The following HPF1 variants were observed in gnomAD, a reference collection of about 807,000 sequenced individuals.
HPF1 encodes histone PARylation factor 1, also known as UPF0609 protein C4orf27.
HPF1 carries 35 observed loss-of-function variants against 38.8 expected under a neutral mutation model. The ratio of observed to expected loss-of-function variants is 0.90; its 90% CI spans 0.69 to 1.19. The LOEUF (loss-of-function observed/expected upper bound fraction) is 1.19, where lower values mean the gene tolerates loss of function less well. Among genes scored for constraint, HPF1 ranks in the 50% most tolerant of loss-of-function variants. The probability of loss-of-function intolerance (pLI) is 0.00; values close to 1 mark genes in which losing one functional copy is unlikely to be tolerated. For synonymous variants in HPF1, 115 were observed against 139.2 expected (o/e 0.83, Z 1.22); for missense variants, 367 against 405.8 (o/e 0.90, Z 0.82).
chr4:169,752,173 T>C lies in HPF1; in HGVS notation c.209-1448A>G, dbSNP rs868512750. Among the ~76,000 whole-genome samples, 295 of 144,558 alleles carry C rather than the reference T, an allele frequency of 2.0e-3. 2 individuals are homozygous for C. The Middle Eastern group carries it at 0.028, about 14-fold the overall frequency. The allele number at this position is 144,558 out of a possible 152,430, so 94.8% of individuals were successfully genotyped here. On this transcript the variant is annotated intron_variant, in intron 2 of 7. Transcript: ENST00000393381. Reference sequence around the variant, plus strand: ...ATGTTTGTATACAGGCATGACTTTTTTTTTTTTTTTTTTTTGAGATGGAGT... The same window carrying C: ...ATGTTTGTATACAGGCATGACTTTTCTTTTTTTTTTTTTTTGAGATGGAGT...
intron 5 of HPF1, 39 bp from the exon 6 acceptor site, chr4:169,737,786 CA>C (rs1490321333): frequency 7.6e-7 from 1 of 1,316,210 alleles, no homozygotes; most frequent in East Asian, 2.3e-5. Flanking sequence ...TCATGGTAAG[CA>C]GACATCAAAA....
intron 3 of HPF1, among the ~76,000 whole-genome samples, chr4:169,750,048 A>G (rs1423683141): frequency 6.6e-6 from 1 of 152,218 alleles, no homozygotes. Context: ...CTCTATTTCT[A>G]AGTATTCTGC....
chr4:169,742,121 A>G lies in HPF1; in HGVS notation c.498-14T>C. 3.7e-6 allele frequency: 6 copies of G among 1,606,920 alleles called. No individual in the cohort carries two copies. The highest frequency in any genetic ancestry group is 5.1e-6 in the Non-Finnish European group (6 of 1,177,842). ...GTCAAAAATAATCTGAAAAAGAAGT[A>G]AAAGTCCGCATTATGTGGCAGGCCA... On this transcript the variant is annotated splice_polypyrimidine_tract_variant and intron_variant, in intron 4 of 7. Transcript: ENST00000393381.
At chr4:169,732,661 C>T (rs1285726779) in intron 6 of HPF1, among the ~76,000 whole-genome samples, 2 of 152,116 alleles carry the variant, frequency 1.3e-5, no homozygotes, top group African/African-American at 2.4e-5. Context: ...AAAACATTTA[C>T]TATCTGGCTG....
chr4:169,739,458 G>T, intron 5 of HPF1, among the ~76,000 whole-genome samples: 1 of 151,496 alleles, frequency 6.6e-6, no homozygotes, highest in Non-Finnish European at 1.5e-5. Context: ...ACAGAGAAAA[G>T]TATTTAACGT....
intron 7 of HPF1, among the ~76,000 whole-genome samples, chr4:169,730,716 T>A (rs768656606): frequency 7.9e-5 from 12 of 152,236 alleles, no homozygotes; most frequent in Non-Finnish European, 1.6e-4. Flanking sequence ...TTGGTCTTGC[T>A]TTTCCCAGTG....
rs558994864 is a variant in HPF1, at chr4:169,742,531, G to A, written c.498-424C>T. On this transcript the variant is annotated intron_variant, in intron 4 of 7. Transcript: ENST00000393381. Reference sequence around the variant, plus strand: ...TTTCAGGCAAGGCGCAGTGGCTCACGCCTGTAATCCCAGCACTTTGGGAGG... The same window carrying A: ...TTTCAGGCAAGGCGCAGTGGCTCACACCTGTAATCCCAGCACTTTGGGAGG... 9.9e-5 allele frequency among the ~76,000 whole-genome samples: 15 copies of A among 152,268 alleles called. No individual in the cohort carries two copies. The South Asian group carries it at 2.3e-3, about 23-fold the overall frequency.
Position 169,750,613 on chromosome 4 carries a change from C to T in HPF1, c.321G>A (p.Arg107=). 1 of 1,613,600 alleles carries T rather than the reference C, an allele frequency of 6.2e-7. No individual in the cohort carries two copies. The highest frequency in any genetic ancestry group is 8.5e-7 in the Non-Finnish European group (1 of 1,179,706). ...STGLNFNLHW[R]FYYDPPEFQT... ...GGAACTCAGGAGGATCATAGTAAAA[C>T]CTCCAGTGAAGGTTAAAATTCAGGC... is the stretch of plus-strand genomic sequence containing the variant. The change falls in exon 3 of 8, where the codon AGG becomes AGA. Residue 107 remains arginine (R), a synonymous_variant. Transcript: ENST00000393381.
chr4:169,756,928 T>A (rs1734194342), intron 1 of HPF1, among the ~76,000 whole-genome samples: 1 of 152,204 alleles, frequency 6.6e-6, no homozygotes, highest in African/African-American at 2.4e-5. Context: ...CTGGTCTTCC[T>A]AGAATGCATG....
chr4:169,750,415 C>T (rs921361275), intron 3 of HPF1, 121 bp downstream of exon 3: 8 of 675,078 alleles, frequency 1.2e-5, no homozygotes, highest in Non-Finnish European at 2.0e-5. Flanking sequence ...CAACAGATGG[C>T]TCATATATCC....
intron 4 of HPF1, among the ~76,000 whole-genome samples, chr4:169,744,105 GATC>G (rs1734014427): frequency 6.6e-6 from 1 of 152,108 alleles, no homozygotes. Context: ...ATACAGATTT[GATC>G]ATGTCAGTCC....
In HPF1 at chr4:169,757,899, G is replaced by A. The variant is rs754527245; in HGVS notation, c.-22C>T. ...CCATTCTGCAGCTGCAGCGCCAGCA[G>A]AATTCCCCGATCCGCGGCCGCTTCC... On this transcript the variant is annotated 5_prime_UTR_variant, in exon 1 of 8. Transcript: ENST00000393381. 3.2e-6 allele frequency: 5 copies of A among 1,545,112 alleles called. No homozygotes were observed. The South Asian group carries it at 3.6e-5, about 11-fold the overall frequency.
chr4:169,746,412 A>G (rs1734047829), intron 4 of HPF1, among the ~76,000 whole-genome samples: 1 of 152,324 alleles, frequency 6.6e-6, no homozygotes, highest in South Asian at 2.1e-4. Context: ...AACATTTTTC[A>G]AATGTTAACA....
intron 4 of HPF1, among the ~76,000 whole-genome samples, chr4:169,745,413 A>G (rs1217624181): frequency 2.6e-5 from 4 of 151,930 alleles, no homozygotes; most frequent in Admixed American, 6.6e-5. Context: ...CACTGAACTG[A>G]CTCTTAGAAA....
chr4:169,743,904 T>C (rs1290543430), intron 4 of HPF1, among the ~76,000 whole-genome samples: 1 of 150,558 alleles, frequency 6.6e-6, no homozygotes, highest in Admixed American at 6.6e-5. Context: ...CAGAGGATAG[T>C]CAACTTACCC....
Position 169,731,894 on chromosome 4 carries a change from T to C in HPF1, c.737-18A>G. 4.4e-6 allele frequency: 7 copies of C among 1,578,532 alleles called. No homozygotes were observed. The South Asian group carries it at 6.7e-5, about 15-fold the overall frequency. On this transcript the variant is annotated intron_variant, in intron 6 of 7. Transcript: ENST00000393381. ...GAGGTCAGCTGAAAGAAATCAATAA[T>C]ATAAAAGATTATCTACATAGTTAGA...
intron 5 of HPF1, among the ~76,000 whole-genome samples, chr4:169,739,948 C>G (rs1733944587): frequency 6.6e-6 from 1 of 152,164 alleles, no homozygotes; most frequent in South Asian, 2.1e-4. Flanking sequence ...AGATTTTTCA[C>G]AGATGATTAC....
At position 169,750,711 on chromosome 4, in the gene HPF1, T is replaced by G. The variant is rs1734107105; in HGVS notation, c.223A>C (p.Ser75Arg). The G allele has an allele frequency of 6.2e-7, 1 of 1,602,426 alleles. No individual in the cohort carries two copies. The highest frequency in any genetic ancestry group is 8.5e-7 in the Non-Finnish European group (1 of 1,175,322). Residue 75 changes from serine to arginine, a missense_variant, in exon 3 of 8, where the codon AGC (serine) becomes CGC (arginine). Transcript: ENST00000393381. ...GGACCAACTAATTGAAGTCCAAGGCTTGCAGAAAGTGAATCTATAAAGAAA... is the reference window on the plus strand; with the variant it reads ...GGACCAACTAATTGAAGTCCAAGGCGTGCAGAAAGTGAATCTATAAAGAAA... The part of the protein sequence containing the change: ...PEKPSDSLSA[S>R]LGLQLVGPYD...
chr4:169,730,982 G>C (rs539754510), intron 7 of HPF1, among the ~76,000 whole-genome samples: 1 of 152,218 alleles, frequency 6.6e-6, no homozygotes, highest in Non-Finnish European at 1.5e-5. Flanking sequence ...AATGATCTGC[G>C]TGTGGGTATG....
Sources: allele counts gnomAD v4.1 joint callset (sites outside exome capture counted in the v4.1 genomes callset), GRCh38; gene constraint gnomAD v4.1.1; transcripts MANE v1.5; gene names NCBI Gene and HGNC (gene_info 2026-07-23, HGNC 2026-07-21).